Variants in DAB1 observed in about 807,000 individuals in gnomAD.
DAB1 encodes the protein DAB adaptor protein 1, also known as disabled homolog 1.
Under a neutral mutation model 64.6 loss-of-function variants are expected in DAB1, and 15 were observed. The ratio of observed to expected loss-of-function variants is 0.23; its 90% CI spans 0.16 to 0.36. The LOEUF is 0.36. Among genes scored for constraint, DAB1 ranks in the 10% least tolerant of loss-of-function variants. DAB1 has a pLI of 1.00. For missense variants in DAB1, 596 were observed against 706.7 expected, an observed-to-expected ratio of 0.84 and a Z score of 1.78; for synonymous variants, 235 against 251.9, an observed-to-expected ratio of 0.93 and a Z score of 0.64.
chr1:58,296,402 C>A lies in DAB1; in HGVS notation n.309+46950G>T, dbSNP rs988875368. On this transcript the variant is annotated intron_variant and non_coding_transcript_variant, in intron 4 of 20. Coordinates refer to the DAB1 transcript ENST00000485760. ...ATATGATCCGCTGGCAAAGGCTATG[C>A]GCAGAAACATCAAACATCAAACAAC... Among the ~76,000 whole-genome samples the A allele has an allele frequency of 2.6e-5, 4 of 151,850 alleles. No individual in the cohort carries two copies. The East Asian group carries it at 7.7e-4, about 29-fold the overall frequency.
chr1:57,598,345 GACTCCGTT>G (rs1214204805), intron 7 of DAB1, among the ~76,000 whole-genome samples: 2 of 152,232 alleles, frequency 1.3e-5, no homozygotes, highest in Admixed American at 6.5e-5. Context: ...AGATAATCCT[GACTCCGTT>G]ACTCCTTTGC....
intron 7 of DAB1, among the ~76,000 whole-genome samples, chr1:57,634,043 A>C (rs1300942681): frequency 6.6e-6 from 1 of 152,210 alleles, no homozygotes; most frequent in Non-Finnish European, 1.5e-5. Flanking sequence ...CCATGGGGTT[A>C]ATCTAGGCAG....
At chr1:57,757,868 G>A (rs932002797) in intron 6 of DAB1, among the ~76,000 whole-genome samples, 5 of 152,030 alleles carry the variant, frequency 3.3e-5, no homozygotes, top group Non-Finnish European at 7.4e-5. Flanking sequence ...CCAGGCTGAA[G>A]TGCAGTGGCA....
At chr1:57,992,334 A>C (rs959477590) in intron 5 of DAB1, among the ~76,000 whole-genome samples, 3 of 152,188 alleles carry the variant, frequency 2.0e-5, no homozygotes, top group African/African-American at 7.2e-5. Context: ...CCCTTGGAAA[A>C]ATTCATCAAG....
chr1:58,182,207 G>C (rs1033310486), intron 4 of DAB1, among the ~76,000 whole-genome samples: 2 of 151,736 alleles, frequency 1.3e-5, no homozygotes, highest in African/African-American at 4.9e-5. Flanking sequence ...GCTGATCTTA[G>C]AATTATTTCT....
At chr1:57,769,885 G>A (rs145832619) in intron 6 of DAB1, among the ~76,000 whole-genome samples, 214 of 152,194 alleles carry the variant, frequency 1.4e-3, no homozygotes, top group African/African-American at 4.9e-3. Context: ...GTGTCCTGAG[G>A]CTGAACCTTT....
intron 7 of DAB1, among the ~76,000 whole-genome samples, chr1:57,625,617 G>T (rs1306365385): frequency 6.6e-6 from 1 of 152,180 alleles, no homozygotes; most frequent in Non-Finnish European, 1.5e-5. Flanking sequence ...CTTGAAGGAT[G>T]AGAAAAAGGT....
chr1:57,474,773 G>A (rs932615503), intron 7 of DAB1, among the ~76,000 whole-genome samples: 4 of 152,140 alleles, frequency 2.6e-5, no homozygotes, highest in African/African-American at 9.7e-5. Context: ...AAAACACAGG[G>A]CTTATAGGAT....
chr1:57,520,154 C>A (rs1276818238), intron 7 of DAB1, among the ~76,000 whole-genome samples: 2 of 152,210 alleles, frequency 1.3e-5, no homozygotes, highest in Admixed American at 6.5e-5. Flanking sequence ...GAAAGTTCAA[C>A]ATCAAAAATA....
intron 3 of DAB1, among the ~76,000 whole-genome samples, chr1:58,492,893 A>G (rs1052619896): frequency 1.1e-4 from 16 of 152,270 alleles, no homozygotes; most frequent in Admixed American, 2.0e-4. Flanking sequence ...AGAAAAAGAG[A>G]GAATCCTCCC....
chr1:58,239,670 A>G (rs2100374059), intron 4 of DAB1, among the ~76,000 whole-genome samples: 1 of 152,296 alleles, frequency 6.6e-6, no homozygotes, highest in East Asian at 1.9e-4. Flanking sequence ...CAGCTCGCTT[A>G]TATTATTTGC....
intron 1 of DAB1, among the ~76,000 whole-genome samples, chr1:57,357,109 A>G (rs1189080555): frequency 1.3e-5 from 2 of 152,090 alleles, no homozygotes; most frequent in Non-Finnish European, 2.9e-5. Context: ...TTTATCACCA[A>G]TACACTCTAG....
chr1:57,619,282 G>A (rs188247089), intron 7 of DAB1, among the ~76,000 whole-genome samples: 40 of 152,310 alleles, frequency 2.6e-4, no homozygotes, highest in African/African-American at 8.9e-4. Context: ...CCTATCAGGT[G>A]AGGAATAAAG....
chr1:58,086,089 A>C (rs1003627826), intron 5 of DAB1, among the ~76,000 whole-genome samples: 2 of 146,502 alleles, frequency 1.4e-5, no homozygotes, highest in African/African-American at 5.1e-5. Context: ...TCAGCCTCCC[A>C]AGTAGCTGGG....
chr1:57,500,551 A>G (rs1644278819), intron 7 of DAB1, among the ~76,000 whole-genome samples: 1 of 152,206 alleles, frequency 6.6e-6, no homozygotes, highest in African/African-American at 2.4e-5. Flanking sequence ...ATGAAGACAT[A>G]TTGTTAGCCA....
chr1:58,056,699 A>G (rs1003898568), intron 5 of DAB1, among the ~76,000 whole-genome samples: 3 of 152,134 alleles, frequency 2.0e-5, no homozygotes, highest in Admixed American at 6.5e-5. Flanking sequence ...GGACTACACC[A>G]TGGGCTCTCT....
In DAB1 at chr1:58,185,337, A is replaced by G. The variant is rs186682325; in HGVS notation, n.310-34749T>C. Among the ~76,000 whole-genome samples the G allele has an allele frequency of 4.6e-5, 7 of 152,282 alleles. No homozygotes were observed. The East Asian group carries it at 1.4e-3, about 29-fold the overall frequency. On this transcript the variant is annotated intron_variant and non_coding_transcript_variant, in intron 4 of 20. Transcript: ENST00000485760. The stretch of plus-strand genomic sequence containing the variant: ...CTGTGTGCTGAGGAAACATACACAA[A>G]TGGGACCCCCAGCAGTATTTTCCTG...
intron 3 of DAB1, among the ~76,000 whole-genome samples, chr1:58,381,407 C>A (rs930265582): frequency 6.6e-6 from 1 of 152,068 alleles, no homozygotes; most frequent in Non-Finnish European, 1.5e-5. Flanking sequence ...ATGAAAAGGT[C>A]TTACAGAGTT....
At chr1:57,990,182 G>A (rs1316247397) in intron 5 of DAB1, among the ~76,000 whole-genome samples, 1 of 152,070 alleles carries the variant, frequency 6.6e-6, no homozygotes, top group Non-Finnish European at 1.5e-5. Context: ...TGATGAACTG[G>A]GACTTCATCT....
Sources: allele counts gnomAD v4.1 joint callset (sites outside exome capture counted in the v4.1 genomes callset), GRCh38; gene constraint gnomAD v4.1.1; transcripts MANE v1.5; gene names NCBI Gene and HGNC (gene_info 2026-07-23, HGNC 2026-07-21).